ADGRG2: variants seen among roughly 807,000 people sequenced by gnomAD.
The protein encoded by ADGRG2 is adhesion G protein-coupled receptor G2.
Under a neutral mutation model 74.1 loss-of-function variants are expected in ADGRG2, and 26 were observed. That is an observed-to-expected ratio of 0.35 (90% confidence interval 0.26 to 0.49). ADGRG2 has a LOEUF of 0.49. Ranked by LOEUF, ADGRG2 falls within the 20% of genes least tolerant of loss-of-function variation. The probability of loss-of-function intolerance (pLI) is 0.99; values close to 1 mark genes in which losing one functional copy is unlikely to be tolerated. For missense variants in ADGRG2, 619 were observed against 763.1 expected (o/e 0.81, Z 2.22); for synonymous variants, 296 against 295.2 (o/e 1.00, Z -0.03).
intron 8 of ADGRG2, 167 bp downstream of exon 8, chrX:19,033,446 C>T (rs2060869382): frequency 8.0e-6 from 3 of 377,184 alleles, no homozygotes; most frequent in Non-Finnish European, 1.4e-5. Context: ...TAGCCCCAAA[C>T]ACCTAGTACA....
chrX:19,092,131 G>A (rs978552747), intron 1 of ADGRG2, among the ~76,000 whole-genome samples: 4 of 111,914 alleles, frequency 3.6e-5, no homozygotes, highest in Admixed American at 9.5e-5. Context: ...CACAGCCACC[G>A]GCCCTCTGCC....
chrX:19,037,726 A>G, intron 4 of ADGRG2, 90 bp from the exon 5 acceptor site: 2 of 653,652 alleles, frequency 3.1e-6, no homozygotes, highest in Non-Finnish European at 4.6e-6. Context: ...TAATTACGAA[A>G]AGAAGTAGAA....
chrX:19,064,744 C>A (rs955515582), intron 3 of ADGRG2, among the ~76,000 whole-genome samples: 2 of 112,293 alleles, frequency 1.8e-5, no homozygotes, highest in African/African-American at 3.2e-5. Context: ...AGAGGTCCAA[C>A]ATACAAGCTT....
intron 26 of ADGRG2, among the ~76,000 whole-genome samples, chrX:18,996,804 C>T (rs749458604): frequency 4.5e-5 from 5 of 111,648 alleles, no homozygotes; most frequent in African/African-American, 1.6e-4. Context: ...CCCCAGCCAG[C>T]CCCATGGCTG....
chrX:19,108,356 T>C (rs1483292176), intron 1 of ADGRG2, among the ~76,000 whole-genome samples: 1 of 111,200 alleles, frequency 9.0e-6, no homozygotes, highest in Non-Finnish European at 1.9e-5. Context: ...CCTAATTGCA[T>C]TCAGAGGAGA....
At chrX:19,014,684 G>T (rs1191499344) in intron 15 of ADGRG2, among the ~76,000 whole-genome samples, 1 of 111,420 alleles carries the variant, frequency 9.0e-6, no homozygotes, top group African/African-American at 3.3e-5. Flanking sequence ...CCAGGCTGGG[G>T]TGCAGTGGCG....
intron 14 of ADGRG2, 54 bp from the exon 15 acceptor site, chrX:19,019,719 C>T: frequency 1.5e-6 from 1 of 654,259 alleles, no homozygotes; most frequent in South Asian, 2.3e-5. Context: ...AAGAACAAAG[C>T]AAGGTGGCAG....
intron 18 of ADGRG2, among the ~76,000 whole-genome samples, chrX:19,008,394 G>A (rs942135230): frequency 3.6e-5 from 4 of 111,464 alleles, no homozygotes; most frequent in African/African-American, 6.5e-5. Context: ...GGCTGGGCAC[G>A]GCGGCTCACA....
chrX:19,026,004 G>C (rs1031128245), intron 11 of ADGRG2, among the ~76,000 whole-genome samples: 1 of 111,947 alleles, frequency 8.9e-6, no homozygotes, highest in Non-Finnish European at 1.9e-5. Context: ...AGAAAAGCTA[G>C]ATTTCATCAG....
At chrX:19,116,689 A>AG (rs1189946471) in intron 1 of ADGRG2, among the ~76,000 whole-genome samples, 3 of 110,806 alleles carry the variant, frequency 2.7e-5, no homozygotes, top group African/African-American at 6.6e-5. Flanking sequence ...CTCAGAGCAT[A>AG]ATAAATGAAC....
At chrX:19,012,007 A>G (rs1035406199) in intron 16 of ADGRG2, among the ~76,000 whole-genome samples, 3 of 112,325 alleles carry the variant, frequency 2.7e-5, no homozygotes, top group African/African-American at 9.7e-5. Flanking sequence ...ATCTTTATGC[A>G]TGTGTATTTA....
chrX:19,031,410 T>C lies in ADGRG2; in HGVS notation c.305-373A>G. On this transcript the variant is annotated intron_variant, in intron 8 of 28. Transcript: ENST00000379869. ...TAATCATAGATCCTCCTTCTTTTCC[T>C]ATGTAGGGGAGTCTATGAACACTCT... The C allele has an allele frequency of 2.0e-5, 3 of 152,426 alleles. 1 individual carries two copies. In the South Asian group the frequency reaches 6.7e-4, roughly 34 times the overall value. The allele number at this position is 152,426 out of a possible 1,213,427, so 12.6% of individuals were successfully genotyped here. A position where few individuals can be genotyped will look rare whatever the true frequency, so the allele number is the denominator to read the frequency against.
At position 19,028,184 on chromosome X, in the gene ADGRG2, T is replaced by G; in HGVS notation, c.413A>C (p.Gln138Pro). The change falls in exon 10 of 29, where the codon CAG becomes CCG. Residue 138 changes from glutamine to proline, a missense_variant and splice_region_variant. Gln to Pro is a moderately conservative substitution (Grantham distance 76). Transcript: ENST00000379869. ...FQYDKESTVP[Q>P]NQHITNGTLT... ...GTAAAAAAAATCTTTAAAACTTACC[T>G]GGGGAACAGTGCTTTCTTTATCATA... 9.6e-7 allele frequency: 1 copy of G among 1,045,724 alleles called. No individual in the cohort carries two copies. Among genetic ancestry groups the G allele is most frequent in the Non-Finnish European group, 1.3e-6 (1 of 753,827 alleles). The allele number at this position is 1,045,724 out of a possible 1,213,427, so 86.2% of individuals were successfully genotyped here. A position where few individuals can be genotyped will look rare whatever the true frequency, so the allele number is the denominator to read the frequency against.
intron 1 of ADGRG2, among the ~76,000 whole-genome samples, chrX:19,113,209 G>A (rs924556638): frequency 9.3e-6 from 1 of 107,096 alleles, no homozygotes. Context: ...AAAACCCCAT[G>A]TCTACTAAAA....
At chrX:19,074,477 C>A (rs1337089365) in intron 2 of ADGRG2, among the ~76,000 whole-genome samples, 2 of 75,032 alleles carry the variant, frequency 2.7e-5, no homozygotes, top group African/African-American at 5.7e-5. Flanking sequence ...TGGTCTCAAA[C>A]TCCTGGGCCT....
In ADGRG2 at chrX:18,991,007, G is replaced by C. The variant is rs143629278; in HGVS notation, c.2911C>G (p.Gln971Glu). The C allele has an allele frequency of 1.5e-5, 18 of 1,201,036 alleles. No individual in the cohort carries two copies. The African/African-American group carries it at 2.5e-4, about 16-fold the overall frequency. The change falls in exon 29 of 29, where the codon CAG (glutamine) becomes GAG (glutamate). Residue 971 changes from glutamine to glutamate, a missense_variant. This residue lies in a region of ADGRG2 where 106 missense variants were observed against 104.5 expected (regional missense o/e 1.01). Coordinates refer to ENST00000379869, the MANE Select transcript of ADGRG2 (RefSeq NM_001079858.3). ...TERNGVSFSVQNGDVCLHDFT... is the reference protein window; with the variant it reads ...TERNGVSFSVENGDVCLHDFT... ...TCGTGAAGGCACACATCTCCATTCT[G>C]AACACTAAAAGAGACCCCATTCCTC... is the stretch of plus-strand genomic sequence containing the variant.
intron 3 of ADGRG2, among the ~76,000 whole-genome samples, chrX:19,050,821 C>T (rs772644591): frequency 2.7e-5 from 3 of 111,786 alleles, no homozygotes; most frequent in African/African-American, 9.8e-5. Context: ...CTAGCAATTC[C>T]GATGTGAAAA....
chrX:19,018,998 A>G (rs960290089), intron 15 of ADGRG2, among the ~76,000 whole-genome samples: 2 of 111,015 alleles, frequency 1.8e-5, no homozygotes, highest in African/African-American at 6.6e-5. Context: ...GCCCGCCACC[A>G]TGCCCGGCTA....
At chrX:19,087,895 T>C (rs1165996900) in intron 1 of ADGRG2, among the ~76,000 whole-genome samples, 2 of 111,372 alleles carry the variant, frequency 1.8e-5, no homozygotes, top group Non-Finnish European at 3.8e-5. Context: ...TTTCCTTCCC[T>C]TCCCTTCCCT....
Sources: allele counts gnomAD v4.1 joint callset (sites outside exome capture counted in the v4.1 genomes callset), GRCh38; gene constraint gnomAD v4.1.1; regional missense constraint gnomAD v4.1.1; transcripts MANE v1.5; gene names NCBI Gene and HGNC (gene_info 2026-07-23, HGNC 2026-07-21).